PCDHGA8: variants seen among roughly 807,000 people sequenced by gnomAD.
The protein encoded by PCDHGA8 is protocadherin gamma-A8.
In PCDHGA8, 45 loss-of-function variants were observed where a neutral mutation model predicts 59.2. The ratio of observed to expected loss-of-function variants is 0.76; its 90% CI spans 0.60 to 0.98. The LOEUF (loss-of-function observed/expected upper bound fraction) is 0.98. PCDHGA8 is among the 50% of genes least tolerant of loss of function. The probability of loss-of-function intolerance (pLI) is 0.00; values close to 1 mark genes in which losing one functional copy is unlikely to be tolerated. For missense variants in PCDHGA8, 1,257 were observed against 1,196.2 expected (o/e 1.05, Z -0.75); for synonymous variants, 531 against 519.0 (o/e 1.02, Z -0.32).
chr5:141,433,209 T>A, intron 1 of PCDHGA8: 3 of 465,024 alleles, frequency 6.5e-6, no homozygotes, highest in South Asian at 1.0e-4. Context: ...ATCTTCTTTC[T>A]TTTTTTTTTT....
intron 1 of PCDHGA8, chr5:141,421,450 C>A (rs1193440607): frequency 2.5e-6 from 4 of 1,614,126 alleles, no homozygotes; most frequent in Non-Finnish European, 3.4e-6. Flanking sequence ...GAAGACACAG[C>A]TTTTCGCTGT....
At chr5:141,412,729 T>C (rs1411212101) in intron 1 of PCDHGA8, 1 of 153,332 alleles carries the variant, frequency 6.5e-6, no homozygotes, top group Non-Finnish European at 1.5e-5. Flanking sequence ...GAAAACGTGT[T>C]GCAAATATAT....
At position 141,485,561 on chromosome 5, in the gene PCDHGA8, GCCC is replaced by G; in HGVS notation, c.2425-9242_2425-9240del. ...AGAGATCGTAGATGTGAATGATCAC[GCCC>G]CCCGTTTTCCGCGGCAGCAGCTGGA... On this transcript the variant is annotated intron_variant, in intron 1 of 3. Transcript: ENST00000398604. This position sits in a 1 kb window ranked among gnomAD's most constrained non-coding sequence, Gnocchi z 5.7. 1 of 1,613,008 alleles carries G rather than the reference GCCC, an allele frequency of 6.2e-7. No homozygotes were observed.
chr5:141,418,699 C>A, intron 1 of PCDHGA8: 1 of 1,614,014 alleles, frequency 6.2e-7, no homozygotes, highest in Non-Finnish European at 8.5e-7. Context: ...TCACTTATTC[C>A]TTCTTTGGTG....
intron 1 of PCDHGA8, among the ~76,000 whole-genome samples, chr5:141,492,165 C>T (rs932762928): frequency 1.4e-4 from 22 of 152,210 alleles, no homozygotes; most frequent in African/African-American, 4.8e-4. Context: ...TCCCTATCCC[C>T]GCATCACCCA....
intron 1 of PCDHGA8, among the ~76,000 whole-genome samples, chr5:141,488,118 A>G (rs1054356891): frequency 2.7e-4 from 41 of 152,190 alleles, no homozygotes; most frequent in Non-Finnish European, 2.9e-5. Context: ...AAACATAGAG[A>G]CAGCAGAAAG....
chr5:141,470,871 T>C (rs1036871133), intron 1 of PCDHGA8, among the ~76,000 whole-genome samples: 1 of 151,822 alleles, frequency 6.6e-6, no homozygotes, highest in Admixed American at 6.6e-5. Flanking sequence ...TGTTTGTTTG[T>C]TTTTTTGTTT....
At position 141,489,068 on chromosome 5, in the gene PCDHGA8, G is replaced by GGCCCC; in HGVS notation, c.2425-5739_2425-5738insGCCCC. On this transcript the variant is annotated intron_variant, in intron 1 of 3. Coordinates refer to ENST00000398604, the MANE Select transcript of PCDHGA8 (RefSeq NM_032088.2). This position sits in a 1 kb window ranked among gnomAD's most constrained non-coding sequence, Gnocchi z 4.5. ...CTCAAATTCAGCTCCCCTCCCCCCT[G>GGCCCC]CCCACCCCCGCCACTCGGTGACTAA... 3.4e-6 allele frequency: 1 copy of GGCCCC among 291,558 alleles called. No individual in the cohort carries two copies. 18.1% of individuals were successfully genotyped at this position (291,558 alleles called of 1,614,324 possible). A position where few individuals can be genotyped will look rare whatever the true frequency, so the allele number is the denominator to read the frequency against.
intron 2 of PCDHGA8, among the ~76,000 whole-genome samples, chr5:141,500,311 C>T (rs2099799036): frequency 2.0e-5 from 3 of 152,072 alleles, no homozygotes; most frequent in African/African-American, 7.2e-5. Context: ...CAGGTTCACG[C>T]CATGCTCCTG....
Position 141,394,874 on chromosome 5 carries a change from G to C in PCDHGA8, c.2061G>C (p.Ser687=). The change falls in exon 1 of 4, where the codon TCG becomes TCC. Residue 687 remains serine (S), a synonymous_variant. Transcript: ENST00000398604. Reference sequence around the variant, plus strand: ...AGCCTTCGGTCGACCCGAACGATTCGAGCCTTACACTCTATCTCGTGGTGG... The same window carrying C: ...AGCCTTCGGTCGACCCGAACGATTCCAGCCTTACACTCTATCTCGTGGTGG... ...SLKPSVDPND[S]SLTLYLVVAV... is the part of the protein sequence containing the mutation. 3 of 1,613,814 alleles carry C rather than the reference G, an allele frequency of 1.9e-6. No homozygotes were observed. Among genetic ancestry groups the C allele is most frequent in the South Asian group, 1.1e-5 (1 of 91,072 alleles).
At chr5:141,484,506 G>T (rs1442936814) in intron 1 of PCDHGA8, among the ~76,000 whole-genome samples, 1 of 152,186 alleles carries the variant, frequency 6.6e-6, no homozygotes, top group Non-Finnish European at 1.5e-5. Context: ...TGAATATTCT[G>T]CAGAAGGGCA....
chr5:141,422,074 C>T (rs886758924), intron 1 of PCDHGA8: 8 of 1,612,146 alleles, frequency 5.0e-6, no homozygotes, highest in African/African-American at 4.0e-5. Context: ...GTATTCATTT[C>T]GGAACATGGA....
In PCDHGA8 at chr5:141,432,866, G is replaced by C. The variant is rs139832920; in HGVS notation, c.2424+37629G>C. 8 of 1,614,152 alleles carry C rather than the reference G, an allele frequency of 5.0e-6. No individual in the cohort carries two copies. Among genetic ancestry groups the C allele is most frequent in the South Asian group, 2.2e-5 (2 of 91,074 alleles). On this transcript the variant is annotated intron_variant, in intron 1 of 3. Coordinates refer to ENST00000398604, the MANE Select transcript of PCDHGA8 (RefSeq NM_032088.2). The surrounding 1 kb of genome is among the most constrained non-coding windows in gnomAD (Gnocchi z 6.0). ...GGTAGCGGTGGCCGCGGTCTCCTGC[G>C]TCTTCCTGGCCTTCGTCATCTTGCT...
chr5:141,399,893 C>G (rs2093913222), intron 1 of PCDHGA8: 2 of 1,612,566 alleles, frequency 1.2e-6, no homozygotes, highest in Non-Finnish European at 1.7e-6. Flanking sequence ...AAGGTAGTGG[C>G]CGTGGACGCA....
At chr5:141,427,192 A>T (rs1191677237) in intron 1 of PCDHGA8, 1 of 456,566 alleles carries the variant, frequency 2.2e-6, no homozygotes. Context: ...AAATCCAAAG[A>T]CTTAATAGAC....
At chr5:141,410,560 A>C (rs769354927) in intron 1 of PCDHGA8, 42 of 1,612,824 alleles carry the variant, frequency 2.6e-5, no homozygotes, top group Non-Finnish European at 3.5e-5. Context: ...TTTCTCCTGG[A>C]GCCTTAATTC....
At chr5:141,425,695 T>G (rs1329762653) in intron 1 of PCDHGA8, among the ~76,000 whole-genome samples, 1 of 152,232 alleles carries the variant, frequency 6.6e-6, no homozygotes, top group African/African-American at 2.4e-5. Context: ...TATCATTTCA[T>G]AGTGGTCAAA....
intron 1 of PCDHGA8, among the ~76,000 whole-genome samples, chr5:141,451,298 C>T (rs1221562397): frequency 6.6e-6 from 1 of 152,206 alleles, no homozygotes; most frequent in African/African-American, 2.4e-5. Context: ...CAAAGTCTTA[C>T]AAGGCAGCAA....
chr5:141,400,621 A>G (rs1361532935), intron 1 of PCDHGA8: 1 of 1,521,426 alleles, frequency 6.6e-7, no homozygotes, highest in Non-Finnish European at 9.0e-7. Flanking sequence ...GAGTTGTCTT[A>G]GGGAAGTCAG....
Sources: gnomAD v4.1 joint callset for allele counts (sites outside exome capture counted in the v4.1 genomes callset) on GRCh38, gnomAD v4.1.1 for gene constraint, Gnocchi (gnomAD v3.1) non-coding constraint, MANE v1.5 for transcripts, NCBI Gene and HGNC (gene_info 2026-07-23, HGNC 2026-07-21) for gene names.